WDR70: variants seen among roughly 807,000 people sequenced by gnomAD.
WDR70 encodes WD repeat domain 70, also known as WD repeat-containing protein 70.
A neutral mutation model predicts 88.6 loss-of-function variants in WDR70; 53 were observed. The ratio of observed to expected loss-of-function variants is 0.60; its 90% CI spans 0.48 to 0.75. The LOEUF (loss-of-function observed/expected upper bound fraction) is 0.75. Ranked by LOEUF, WDR70 falls within the 30% of genes least tolerant of loss-of-function variation. WDR70 has a pLI of 0.00. For missense variants in WDR70, 610 were observed against 823.2 expected (o/e 0.74, Z 3.17); for synonymous variants, 280 against 270.0 (o/e 1.04, Z -0.36).
At chr5:37,425,823 T>C (rs1456401320) in intron 5 of WDR70, among the ~76,000 whole-genome samples, 3 of 152,176 alleles carry the variant, frequency 2.0e-5, no homozygotes, top group African/African-American at 7.2e-5. Context: ...ATCAAGATTA[T>C]TAGTTTTGTA....
chr5:37,481,821 T>TCTTCTCGAATGCTTTGCTG (rs979071588), intron 8 of WDR70, among the ~76,000 whole-genome samples: 5 of 152,234 alleles, frequency 3.3e-5, no homozygotes, highest in Admixed American at 6.5e-5. Context: ...ATGCTCTGCT[T>TCTTCTCGAATGCTTTGCTG]CTTCTCGAAT....
chr5:37,465,908 T>C (rs1280743834), intron 7 of WDR70, among the ~76,000 whole-genome samples: 1 of 152,076 alleles, frequency 6.6e-6, no homozygotes, highest in Non-Finnish European at 1.5e-5. Flanking sequence ...GAATTCCTTA[T>C]GGATTTTTGT....
chr5:37,470,757 T>C (rs993948095), intron 7 of WDR70, among the ~76,000 whole-genome samples: 1 of 152,216 alleles, frequency 6.6e-6, no homozygotes, highest in African/African-American at 2.4e-5. Flanking sequence ...TTTGGGGCTA[T>C]TATGAGTAGT....
intron 2 of WDR70, 127 bp downstream of exon 2, chr5:37,379,681 C>A: frequency 1.0e-6 from 1 of 989,644 alleles, no homozygotes; most frequent in South Asian, 1.4e-5. Context: ...TGCAGTTTGT[C>A]AATATTCTTC....
At chr5:37,613,879 C>T (rs1247479803) in intron 10 of WDR70, among the ~76,000 whole-genome samples, 1 of 152,102 alleles carries the variant, frequency 6.6e-6, no homozygotes, top group African/African-American at 2.4e-5. Flanking sequence ...TGTAGCGTAA[C>T]TGAGGTTCAA....
At position 37,721,224 on chromosome 5, in the gene WDR70, T is replaced by C; in HGVS notation, c.1517+9T>C. 6.2e-7 allele frequency: 1 copy of C among 1,612,212 alleles called. No homozygotes were observed. Among genetic ancestry groups the C allele is most frequent in the East Asian group, 2.2e-5 (1 of 44,854 alleles). ...CCCAACAAGAGTCAGAGGTATTTCATAAGTATTGCCTGTTTTAGATGGATG... is the reference window on the plus strand; with the variant it reads ...CCCAACAAGAGTCAGAGGTATTTCACAAGTATTGCCTGTTTTAGATGGATG... On this transcript the variant is annotated intron_variant, in intron 14 of 17. Coordinates refer to ENST00000265107, the MANE Select transcript of WDR70 (RefSeq NM_018034.4).
intron 17 of WDR70, among the ~76,000 whole-genome samples, chr5:37,748,566 A>C (rs755075743): frequency 4.9e-4 from 75 of 152,264 alleles, no homozygotes; most frequent in Admixed American, 1.9e-3. Context: ...CAAAGACTTC[A>C]TGACAAAAAT....
At chr5:37,641,203 C>A (rs1282512793) in intron 10 of WDR70, among the ~76,000 whole-genome samples, 1 of 151,636 alleles carries the variant, frequency 6.6e-6, no homozygotes, top group Non-Finnish European at 1.5e-5. Flanking sequence ...GCAACCCACC[C>A]CTTCTGGGTT....
At chr5:37,527,164 C>G (rs1741306756) in intron 9 of WDR70, among the ~76,000 whole-genome samples, 1 of 152,086 alleles carries the variant, frequency 6.6e-6, no homozygotes, top group Non-Finnish European at 1.5e-5. Flanking sequence ...AAAAAGAGCC[C>G]ACATTCCCAA....
rs186731649 is a variant in WDR70 at position 37,456,113 on chromosome 5, A to G, written c.686+12741A>G. Among the ~76,000 whole-genome samples the G allele has an allele frequency of 1.3e-3, 195 of 152,322 alleles. 1 individual carries two copies. Among genetic ancestry groups the G allele is most frequent in the African/African-American group, 4.6e-3 (190 of 41,574 alleles). ...CAGGTGTTTTTATTTCCCTGGGTCA[A>G]TACCTAAGTGTGAATTGCTTTGTCA... On this transcript the variant is annotated intron_variant, in intron 7 of 17. Coordinates refer to ENST00000265107, the MANE Select transcript of WDR70 (RefSeq NM_018034.4).
At position 37,388,426 on chromosome 5, in the gene WDR70, C is replaced by CT. The variant is rs34629371; in HGVS notation, c.176-3560dup. ...CCACCACGCCCAGCTGAAATACAGA[C>CT]TTTTTTTTTTTTTTAGAAGTGTTAC... On this transcript the variant is annotated intron_variant, in intron 3 of 17. Coordinates refer to ENST00000265107, the MANE Select transcript of WDR70 (RefSeq NM_018034.4). 4.1e-3 allele frequency among the ~76,000 whole-genome samples: 567 copies of CT among 138,712 alleles called. 14 individuals are homozygous for CT. Among genetic ancestry groups the CT allele is most frequent in the African/African-American group, 0.014 (526 of 37,300 alleles). The allele number at this position is 138,712 out of a possible 152,430, so 91.0% of individuals were successfully genotyped here. A position where few individuals can be genotyped will look rare whatever the true frequency, so the allele number is the denominator to read the frequency against.
At chr5:37,402,463 C>T (rs1049838329) in intron 5 of WDR70, among the ~76,000 whole-genome samples, 3 of 151,826 alleles carry the variant, frequency 2.0e-5, no homozygotes, top group African/African-American at 7.3e-5. Context: ...TGGATATATA[C>T]TCATTAGTGG....
chr5:37,587,010 G>A, intron 9 of WDR70, among the ~76,000 whole-genome samples: 1 of 152,022 alleles, frequency 6.6e-6, no homozygotes, highest in East Asian at 1.9e-4. Flanking sequence ...CATGACTCTA[G>A]CCACCTCAAA....
chr5:37,504,001 A>C (rs1267597755), intron 8 of WDR70, among the ~76,000 whole-genome samples: 1 of 152,028 alleles, frequency 6.6e-6, no homozygotes, highest in Non-Finnish European at 1.5e-5. Flanking sequence ...TGTACATGAG[A>C]GCTTTTTACC....
intron 3 of WDR70, among the ~76,000 whole-genome samples, chr5:37,388,624 C>CA (rs1331214836): frequency 6.7e-6 from 1 of 150,044 alleles, no homozygotes; most frequent in Non-Finnish European, 1.5e-5. Context: ...TCTATAATCC[C>CA]AGCTGCTCGG....
chr5:37,741,005 C>A lies in WDR70; in HGVS notation c.1878-11481C>A, dbSNP rs79457755. ...ATGTATCTGTTGAATCTAATAAAAACCTAGATTTGTATTTTGTAGTCTTTA... is the reference window on the plus strand; with the variant it reads ...ATGTATCTGTTGAATCTAATAAAAAACTAGATTTGTATTTTGTAGTCTTTA... On this transcript the variant is annotated intron_variant, in intron 17 of 17. Transcript: ENST00000265107. Among the ~76,000 whole-genome samples the A allele has an allele frequency of 7.1e-3, 1,079 of 152,190 alleles. 10 individuals carry two copies. The highest frequency in any genetic ancestry group is 0.024 in the African/African-American group (1,004 of 41,520).
chr5:37,706,290 C>T (rs1321305783), intron 13 of WDR70, among the ~76,000 whole-genome samples: 1 of 152,136 alleles, frequency 6.6e-6, no homozygotes, highest in East Asian at 1.9e-4. Flanking sequence ...ACGATGTTTG[C>T]ACGCATTTTA....
chr5:37,723,158 G>GAA (rs778599728), intron 15 of WDR70: 5 of 563,650 alleles, frequency 8.9e-6, no homozygotes, highest in Non-Finnish European at 1.6e-5. Flanking sequence ...ACCCAAAAGG[G>GAA]AAAAGCCTGT....
At chr5:37,557,959 T>TTTGAAAACTCTTCTAAAGAG in intron 9 of WDR70, among the ~76,000 whole-genome samples, 1 of 146,506 alleles carries the variant, frequency 6.8e-6, no homozygotes, top group Admixed American at 6.8e-5. Flanking sequence ...AAAAGAGTAT[T>TTTGAAAACTCTTCTAAAGAG]ATGTATATTT....
Sources: allele counts gnomAD v4.1 joint callset (sites outside exome capture counted in the v4.1 genomes callset), GRCh38; gene constraint gnomAD v4.1.1; transcripts MANE v1.5; gene names NCBI Gene and HGNC (gene_info 2026-07-23, HGNC 2026-07-21).